KLF12: variants seen among roughly 807,000 people sequenced by gnomAD.
The protein encoded by KLF12 is KLF transcription factor 12, also known as Krueppel-like factor 12.
Under a neutral mutation model 37.8 loss-of-function variants are expected in KLF12, and 9 were observed. That is an observed-to-expected ratio of 0.24 (90% confidence interval 0.14 to 0.42). KLF12 has a LOEUF of 0.42. KLF12 is among the 10% of genes least tolerant of loss of function. The pLI, the probability that KLF12 is intolerant of heterozygous loss-of-function variation, is 1.00. For missense variants in KLF12, 411 were observed against 516.0 expected (o/e 0.80, Z 1.97); for synonymous variants, 208 against 202.1 (o/e 1.03, Z -0.25).
At chr13:73,803,103 T>C (rs899259947) in intron 5 of KLF12, among the ~76,000 whole-genome samples, 7 of 152,194 alleles carry the variant, frequency 4.6e-5, no homozygotes, top group African/African-American at 1.7e-4. Flanking sequence ...AGACAAGTAT[T>C]TACAGATTCC....
intron 3 of KLF12, among the ~76,000 whole-genome samples, chr13:73,908,401 C>CGAA (rs1888407623): frequency 7.7e-6 from 1 of 129,336 alleles, no homozygotes; most frequent in African/African-American, 2.9e-5. Flanking sequence ...GACTCTGTCT[C>CGAA]AAAAAAAAAA....
chr13:74,124,416 C>T (rs566205587), intron 1 of KLF12, among the ~76,000 whole-genome samples: 4 of 152,228 alleles, frequency 2.6e-5, no homozygotes, highest in Non-Finnish European at 5.9e-5. Flanking sequence ...AATTGTATTC[C>T]TCTTAATATT....
the KLF12 span, among the ~76,000 whole-genome samples, chr13:74,213,788 C>A: frequency 2.6e-5 from 4 of 152,110 alleles, no homozygotes; most frequent in Admixed American, 1.3e-4. Flanking sequence ...GCCCAAATAT[C>A]CTAGTCCTGT....
chr13:73,960,551 TAA>T (rs1890992516), intron 2 of KLF12, among the ~76,000 whole-genome samples: 1 of 152,164 alleles, frequency 6.6e-6, no homozygotes, highest in African/African-American at 2.4e-5. Context: ...TCATAAAGTG[TAA>T]AAGAGTCATT....
the KLF12 span, among the ~76,000 whole-genome samples, chr13:74,158,989 A>G: frequency 6.6e-6 from 1 of 152,208 alleles, no homozygotes; most frequent in Non-Finnish European, 1.5e-5. Context: ...TGCGCCTACT[A>G]TGTGCTAGTC....
intron 3 of KLF12, among the ~76,000 whole-genome samples, chr13:73,847,709 T>A (rs1367658998): frequency 2.0e-5 from 3 of 152,100 alleles, no homozygotes; most frequent in Non-Finnish European, 4.4e-5. Flanking sequence ...TTAGAAACAA[T>A]TAAAATGAGT....
intron 1 of KLF12, among the ~76,000 whole-genome samples, chr13:74,083,392 C>T (rs1198966129): frequency 6.6e-6 from 1 of 151,806 alleles, no homozygotes; most frequent in Non-Finnish European, 1.5e-5. Context: ...CTGTAGTCCC[C>T]GCTACTCAAC....
chr13:74,139,250 T>A, the KLF12 span, among the ~76,000 whole-genome samples: 1 of 152,212 alleles, frequency 6.6e-6, no homozygotes, highest in Admixed American at 6.5e-5. Flanking sequence ...TCTACTTCCA[T>A]GAAGTATTGT....
At chr13:73,964,716 C>T (rs1488435254) in intron 2 of KLF12, among the ~76,000 whole-genome samples, 1 of 151,982 alleles carries the variant, frequency 6.6e-6, no homozygotes, top group Admixed American at 6.5e-5. Flanking sequence ...CATGGTGGCT[C>T]ATGCCTATAA....
At chr13:73,942,048 C>A (rs1159113760) in intron 3 of KLF12, among the ~76,000 whole-genome samples, 1 of 152,158 alleles carries the variant, frequency 6.6e-6, no homozygotes. Context: ...AGTTCTTATT[C>A]ACACTGCAAA....
chr13:74,150,023 C>G, the KLF12 span, among the ~76,000 whole-genome samples: 1 of 152,184 alleles, frequency 6.6e-6, no homozygotes, highest in African/African-American at 2.4e-5. Flanking sequence ...TCATCCATGT[C>G]CCTTCTCTAC....
At chr13:74,206,752 A>C in the KLF12 span, among the ~76,000 whole-genome samples, 2 of 152,234 alleles carry the variant, frequency 1.3e-5, no homozygotes, top group African/African-American at 4.8e-5. Flanking sequence ...GGATCATGGA[A>C]AACAAAATGA....
At chr13:73,721,903 T>G (rs1876292877) in intron 6 of KLF12, among the ~76,000 whole-genome samples, 1 of 152,130 alleles carries the variant, frequency 6.6e-6, no homozygotes. Flanking sequence ...AGGGAAATGT[T>G]TTTTAAAGGC....
At chr13:73,735,954 T>TC (rs112354348) in intron 6 of KLF12, among the ~76,000 whole-genome samples, 30,674 of 148,694 alleles carry the variant, frequency 0.21, 3,281 homozygotes, top group Middle Eastern at 0.24. Context: ...TTTCTTTCTT[T>TC]TTCTTTTTTT....
At chr13:74,159,974 C>A in the KLF12 span, among the ~76,000 whole-genome samples, 1 of 141,304 alleles carries the variant, frequency 7.1e-6, no homozygotes, top group Non-Finnish European at 1.5e-5. Context: ...TACACTCCAG[C>A]CTGTGTGACA....
intron 6 of KLF12, among the ~76,000 whole-genome samples, chr13:73,733,333 A>G (rs1398642684): frequency 6.6e-6 from 1 of 152,130 alleles, no homozygotes; most frequent in Non-Finnish European, 1.5e-5. Flanking sequence ...TAGCCCTGGT[A>G]ACCTCTACTA....
intron 1 of KLF12, among the ~76,000 whole-genome samples, chr13:74,021,990 T>A (rs1471151658): frequency 6.6e-6 from 1 of 152,174 alleles, no homozygotes; most frequent in Middle Eastern, 3.2e-3. Context: ...GTAAAGCATG[T>A]GGACAAAGCA....
In KLF12 at chr13:73,957,059, AG is replaced by A. The variant is rs1296328650; in HGVS notation, c.34-12990del. Among the ~76,000 whole-genome samples the A allele has an allele frequency of 1.3e-3, 92 of 68,342 alleles. No homozygotes were observed. The East Asian group carries it at 0.019, about 14-fold the overall frequency. 44.8% of individuals were successfully genotyped at this position (68,342 alleles called of 152,430 possible). A position where few individuals can be genotyped will look rare whatever the true frequency, so the allele number is the denominator to read the frequency against. ...AGGAAAGGAAAGGAAAGGAAAGGAA[AG>A]GAAAGGAAAGGAAAGGAAAGGAAAG... is the stretch of plus-strand genomic sequence containing the variant. On this transcript the variant is annotated intron_variant, in intron 2 of 7. Transcript: ENST00000377669.
intron 6 of KLF12, among the ~76,000 whole-genome samples, chr13:73,731,134 G>T (rs1051522700): frequency 6.6e-6 from 1 of 152,110 alleles, no homozygotes; most frequent in Non-Finnish European, 1.5e-5. Flanking sequence ...AATTTCAGAA[G>T]TAGAACAGTC....
Sources: allele counts gnomAD v4.1 joint callset (sites outside exome capture counted in the v4.1 genomes callset), GRCh38; gene constraint gnomAD v4.1.1; transcripts MANE v1.5; gene names NCBI Gene and HGNC (gene_info 2026-07-23, HGNC 2026-07-21).